Variants in KMT2C observed in about 807,000 individuals in gnomAD.
KMT2C encodes the protein lysine methyltransferase 2C.
In KMT2C, 88 loss-of-function variants were observed where a neutral mutation model predicts 507.9. The observed-to-expected ratio is 0.17, with a 90% CI of 0.15 to 0.21. KMT2C has a LOEUF of 0.21. Ranked by LOEUF, KMT2C falls within the 10% of genes least tolerant of loss-of-function variation. KMT2C has a pLI of 1.00. For synonymous variants in KMT2C, 2,049 were observed against 2,080.8 expected, an observed-to-expected ratio of 0.98 and a Z score of 0.42; for missense variants, 4,954 against 5,957.8, an observed-to-expected ratio of 0.83 and a Z score of 5.55.
chr7:152,184,892 C>A (rs1298660193), intron 34 of KMT2C, among the ~76,000 whole-genome samples: 1 of 152,166 alleles, frequency 6.6e-6, no homozygotes, highest in Non-Finnish European at 1.5e-5. Context: ...GTAGCTGAGA[C>A]TACAGGCATG....
intron 2 of KMT2C, among the ~76,000 whole-genome samples, chr7:152,348,991 C>A (rs1428956419): frequency 6.6e-6 from 1 of 152,160 alleles, no homozygotes; most frequent in Non-Finnish European, 1.5e-5. Flanking sequence ...CTTACATCCA[C>A]AACAAAAATT....
chr7:152,232,645 A>G (rs1432246590), intron 16 of KMT2C, among the ~76,000 whole-genome samples: 2 of 152,204 alleles, frequency 1.3e-5, no homozygotes, highest in Non-Finnish European at 2.9e-5. Flanking sequence ...TGATCTACCT[A>G]TAATGCTTTA....
At chr7:152,341,707 C>T (rs2096994649) in intron 2 of KMT2C, among the ~76,000 whole-genome samples, 1 of 152,000 alleles carries the variant, frequency 6.6e-6, no homozygotes, top group South Asian at 2.1e-4. Context: ...CAAAGAAAAA[C>T]CTGATACTTC....
intron 51 of KMT2C, among the ~76,000 whole-genome samples, chr7:152,150,370 G>C (rs901681455): frequency 1.3e-5 from 2 of 152,132 alleles, no homozygotes; most frequent in African/African-American, 4.8e-5. Flanking sequence ...TGTAATCCCA[G>C]CACTTTGAGA....
chr7:152,425,432 C>T (rs2097806535), intron 1 of KMT2C, among the ~76,000 whole-genome samples: 1 of 152,100 alleles, frequency 6.6e-6, no homozygotes, highest in South Asian at 2.1e-4. Context: ...AAAAATTAGC[C>T]AGGCGTGGTG....
At chr7:152,234,479 A>G (rs547605334) in intron 16 of KMT2C, among the ~76,000 whole-genome samples, 1 of 152,354 alleles carries the variant, frequency 6.6e-6, no homozygotes, top group Non-Finnish European at 1.5e-5. Context: ...AACGTATAAT[A>G]TAAGAAGATA....
In KMT2C at chr7:152,319,991, G is replaced by A. The variant is rs1250303125; in HGVS notation, c.390-4653C>T. On this transcript the variant is annotated intron_variant, in intron 3 of 58. Transcript: ENST00000262189. Reference sequence around the variant, plus strand: ...ATATCTGCGCAGCCTGGCATTCAGGGCCACTACCGGTCTCCGCGTCTTGGT... The same window carrying A: ...ATATCTGCGCAGCCTGGCATTCAGGACCACTACCGGTCTCCGCGTCTTGGT... Among the ~76,000 whole-genome samples, 6 of 151,956 alleles carry A rather than the reference G, an allele frequency of 3.9e-5. No homozygotes were observed. In the East Asian group the frequency reaches 1.2e-3, roughly 29 times the overall value.
intron 3 of KMT2C, among the ~76,000 whole-genome samples, chr7:152,327,142 G>A (rs1488970635): frequency 6.6e-6 from 1 of 152,084 alleles, no homozygotes; most frequent in Non-Finnish European, 1.5e-5. Context: ...CTACCTCAAG[G>A]TTATTTTTCC....
rs761758774 is a variant in KMT2C at position 152,163,761 on chromosome 7, TTGC to T, written c.9813_9815del (p.Gln3272del). On this transcript the variant is annotated inframe_deletion, in exon 43 of 59. Coordinates refer to ENST00000262189, the MANE Select transcript of KMT2C (RefSeq NM_170606.3). ...TCATGGTAGGTGGGGCCATTGCACA[TTGC>T]TGCTGCTGTTTGATCCGATAATCTT... 1.2e-6 allele frequency: 2 copies of T among 1,614,194 alleles called. No individual in the cohort carries two copies. The highest frequency in any genetic ancestry group is 1.7e-6 in the Non-Finnish European group (2 of 1,180,038).
chr7:152,259,136 C>G (rs940116966), intron 9 of KMT2C, among the ~76,000 whole-genome samples: 1 of 151,724 alleles, frequency 6.6e-6, no homozygotes, highest in Non-Finnish European at 1.5e-5. Flanking sequence ...ACAAGTATAT[C>G]GAGAAGAACT....
intron 1 of KMT2C, among the ~76,000 whole-genome samples, chr7:152,374,933 T>C (rs972957179): frequency 6.6e-6 from 1 of 150,984 alleles, no homozygotes; most frequent in Non-Finnish European, 1.5e-5. Context: ...AAAAAATCCA[T>C]GCAAAATCAA....
At position 152,169,216 on chromosome 7, in the gene KMT2C, T is replaced by G; in HGVS notation, c.9487A>C (p.Asn3163His). The G allele has an allele frequency of 6.2e-7, 1 of 1,601,850 alleles. No homozygotes were observed. The highest frequency in any genetic ancestry group is 8.6e-7 in the Non-Finnish European group (1 of 1,168,972). ...AAGCCTGGACCAAAATTTGGAGGAT[T>G]AGGCCTAGAAATCTGATGTGTTATA... ...GSITHQISRP[N>H]PPNFGPGFVN... Residue 3163 changes from asparagine to histidine, a missense_variant, in exon 41 of 59, where the codon AAT (asparagine) becomes CAT (histidine). Around this residue, in one of 29 missense-constraint regions of KMT2C, gnomAD observed 71 missense variants for 139.2 expected, o/e 0.51. Coordinates refer to ENST00000262189, the MANE Select transcript of KMT2C (RefSeq NM_170606.3).
chr7:152,169,293 G>T, intron 40 of KMT2C, 44 bp from the exon 41 acceptor site: 2 of 1,046,068 alleles, frequency 1.9e-6, no homozygotes, highest in Non-Finnish European at 2.9e-6. Context: ...CCACATTTCA[G>T]TTAAAGGGGG....
chr7:152,320,353 A>G (rs894473766), intron 3 of KMT2C, among the ~76,000 whole-genome samples: 51 of 152,156 alleles, frequency 3.4e-4, no homozygotes, highest in Admixed American at 9.2e-4. Flanking sequence ...GGTTCAAGCA[A>G]TTCTCCTGCC....
chr7:152,351,849 G>A (rs1040078942), intron 2 of KMT2C, among the ~76,000 whole-genome samples: 5 of 152,118 alleles, frequency 3.3e-5, no homozygotes, highest in African/African-American at 1.2e-4. Context: ...AGCTGAGGAG[G>A]ATGTATGTCG....
chr7:152,388,576 A>G (rs2097456236), intron 1 of KMT2C, among the ~76,000 whole-genome samples: 1 of 152,308 alleles, frequency 6.6e-6, no homozygotes. Flanking sequence ...AAACAAACGA[A>G]AAAAGTATCT....
Position 152,222,713 on chromosome 7 carries a change from A to T in KMT2C, c.3324-31T>A, listed in dbSNP as rs530553669. On this transcript the variant is annotated intron_variant, in intron 20 of 58. Transcript: ENST00000262189. Reference sequence around the variant, plus strand: ...AAGACCATATTTGTACATTTTTTTTAAAAAATGGAATATACTGAGAACTGC... The same window carrying T: ...AAGACCATATTTGTACATTTTTTTTTAAAAATGGAATATACTGAGAACTGC... 242 of 1,272,306 alleles carry T rather than the reference A, an allele frequency of 1.9e-4. 3 individuals are homozygous for T. The highest frequency in any genetic ancestry group is 1.7e-3 in the South Asian group (140 of 82,066). 78.8% of individuals were successfully genotyped at this position (1,272,306 alleles called of 1,614,324 possible).
intron 16 of KMT2C, among the ~76,000 whole-genome samples, chr7:152,232,011 C>T (rs1295811603): frequency 5.9e-5 from 9 of 152,044 alleles, no homozygotes; most frequent in African/African-American, 2.2e-4. Flanking sequence ...TCCCGAGTAG[C>T]TGGGACTACA....
At chr7:152,161,892 C>T (rs2092472861) in intron 43 of KMT2C, among the ~76,000 whole-genome samples, 1 of 152,178 alleles carries the variant, frequency 6.6e-6, no homozygotes, top group African/African-American at 2.4e-5. Context: ...AAATGCAATA[C>T]ATGCCTTTGC....
Sources: gnomAD v4.1 joint callset for allele counts (sites outside exome capture counted in the v4.1 genomes callset) on GRCh38, gnomAD v4.1.1 for gene constraint, gnomAD v4.1.1 regional missense constraint, MANE v1.5 for transcripts, NCBI Gene and HGNC (gene_info 2026-07-23, HGNC 2026-07-21) for gene names.